SELP: variants seen among roughly 807,000 people sequenced by gnomAD.
SELP encodes P-selectin.
In SELP, 92 loss-of-function variants were observed where a neutral mutation model predicts 104.1. The ratio of observed to expected loss-of-function variants is 0.88; its 90% CI spans 0.75 to 1.05. The LOEUF (loss-of-function observed/expected upper bound fraction) is 1.05. Ranked by LOEUF, SELP falls within the 50% of genes least tolerant of loss-of-function variation. The pLI is 0.00. For missense variants in SELP, 1,022 were observed against 1,017.3 expected (o/e 1.00, Z -0.06); for synonymous variants, 397 against 364.5 (o/e 1.09, Z -1.01).
chr1:169,612,444 A>C (rs1221319579), intron 5 of SELP, 42 bp from the exon 6 acceptor site: 2 of 1,598,660 alleles, frequency 1.3e-6, no homozygotes, highest in African/African-American at 2.7e-5. Context: ...CCTTGGACAA[A>C]TTTTGTCCAT....
At position 169,613,005 on chromosome 1, in the gene SELP, C is replaced by T; in HGVS notation, c.699G>A (p.Gly233=). ...NSQCSFHCTD[G]YQVNGPSKLE... is the part of the protein sequence containing the mutation. The stretch of plus-strand genomic sequence containing the variant: ...GCTTGCTGGGCCCATTTACTTGGTA[C>T]CCGTCAGTGCAGTGGAAGCTGCACT... Residue 233 remains glycine, a synonymous_variant, in exon 5 of 17, where the codon GGG becomes GGA. Coordinates refer to ENST00000263686, the MANE Select transcript of SELP (RefSeq NM_003005.4). 1 of 1,613,862 alleles carries T rather than the reference C, an allele frequency of 6.2e-7. No individual in the cohort carries two copies. The highest frequency in any genetic ancestry group is 8.5e-7 in the Non-Finnish European group (1 of 1,179,832).
intron 2 of SELP, 148 bp from the exon 3 acceptor site, chr1:169,617,562 T>C: frequency 1.2e-6 from 1 of 817,616 alleles, no homozygotes; most frequent in Non-Finnish European, 1.9e-6. Flanking sequence ...ATGTAGTTGT[T>C]TGAAGGAAAA....
intron 10 of SELP, 108 bp from the exon 11 acceptor site, chr1:169,597,284 T>C (rs1166878405): frequency 1.0e-6 from 1 of 973,334 alleles, no homozygotes; most frequent in African/African-American, 1.7e-5. Context: ...TAAGCACCTA[T>C]ATTCCAGGTA....
At chr1:169,600,228 G>GAA (rs3917785) in intron 10 of SELP, among the ~76,000 whole-genome samples, 26 of 151,836 alleles carry the variant, frequency 1.7e-4, no homozygotes, top group Admixed American at 1.5e-3. Context: ...AAAACATTCA[G>GAA]AAAAAAAATA....
At chr1:169,597,640 C>T (rs1251810470) in intron 10 of SELP, among the ~76,000 whole-genome samples, 1 of 152,148 alleles carries the variant, frequency 6.6e-6, no homozygotes, top group Non-Finnish European at 1.5e-5. Flanking sequence ...TGCTTTCTGC[C>T]TCAAACTATT....
Position 169,612,397 on chromosome 1 carries a change from G to T in SELP, c.781C>A (p.Gln261Lys). Residue 261 changes from glutamine to lysine, a missense_variant, in exon 6 of 17, where the codon CAG (glutamine) becomes AAG (lysine). Transcript: ENST00000263686. ...TCAGGAATCTTCAGGGGTGGGCACTGGGCAGCTAAAACCAACCACAGAATA... is the reference window on the plus strand; with the variant it reads ...TCAGGAATCTTCAGGGGTGGGCACTTGGCAGCTAAAACCAACCACAGAATA... ...TNKPPQCLAA[Q>K]CPPLKIPERG... The T allele has an allele frequency of 6.2e-7, 1 of 1,614,032 alleles. No homozygotes were observed. Among genetic ancestry groups the T allele is most frequent in the Middle Eastern group, 1.6e-4 (1 of 6,062 alleles).
At chr1:169,610,551 C>A (rs1394578629) in intron 7 of SELP, among the ~76,000 whole-genome samples, 2 of 152,144 alleles carry the variant, frequency 1.3e-5, no homozygotes, top group Non-Finnish European at 2.9e-5. Context: ...AATCCCAGCA[C>A]TTTGAGAGGC....
intron 10 of SELP, among the ~76,000 whole-genome samples, chr1:169,598,442 C>T (rs1319502663): frequency 2.0e-5 from 3 of 152,132 alleles, no homozygotes; most frequent in Non-Finnish European, 2.9e-5. Flanking sequence ...ATGTATTTTT[C>T]AGTAACAAGC....
intron 10 of SELP, among the ~76,000 whole-genome samples, chr1:169,598,319 G>A (rs1003433119): frequency 6.6e-6 from 1 of 152,068 alleles, no homozygotes; most frequent in African/African-American, 2.4e-5. Flanking sequence ...ACAATACCTT[G>A]GTCAGATAAG....
intron 2 of SELP, among the ~76,000 whole-genome samples, chr1:169,618,012 G>T (rs554529844): frequency 8.6e-5 from 13 of 152,036 alleles, no homozygotes; most frequent in Admixed American, 3.3e-4. Context: ...TGGACTCTGT[G>T]TTCCTTCCTC....
At chr1:169,619,535 A>G (rs1662987765) in intron 1 of SELP, among the ~76,000 whole-genome samples, 1 of 152,260 alleles carries the variant, frequency 6.6e-6, no homozygotes. Flanking sequence ...TAAACACATT[A>G]ATATGGCTGT....
At chr1:169,610,137 G>C (rs1336176488) in intron 7 of SELP, among the ~76,000 whole-genome samples, 31 of 151,320 alleles carry the variant, frequency 2.0e-4, no homozygotes, top group Non-Finnish European at 2.7e-4. Context: ...CTGTGAAATT[G>C]AACCTGAAAA....
chr1:169,603,348 T>TGTGTGTGTGTGA (rs1311239001), intron 9 of SELP, 137 bp from the exon 10 acceptor site: 1 of 639,964 alleles, frequency 1.6e-6, no homozygotes, highest in African/African-American at 1.9e-5. Context: ...TGTGTGTGTG[T>TGTGTGTGTGTGA]GATTAATATA....
At chr1:169,604,658 C>G (rs181650248) in intron 9 of SELP, among the ~76,000 whole-genome samples, 4 of 152,288 alleles carry the variant, frequency 2.6e-5, no homozygotes, top group Admixed American at 2.6e-4. Flanking sequence ...GTCCAAAGAT[C>G]TGGTTCTTTT....
intron 12 of SELP, 126 bp from the exon 13 acceptor site, chr1:169,595,003 G>A: frequency 1.3e-6 from 1 of 750,154 alleles, no homozygotes; most frequent in Non-Finnish European, 2.1e-6. Flanking sequence ...AAGGATATGA[G>A]CCACTTCCAA....
chr1:169,606,810 A>C, intron 9 of SELP, 139 bp downstream of exon 9: 2 of 756,574 alleles, frequency 2.6e-6, no homozygotes, highest in East Asian at 2.7e-5. Flanking sequence ...GTTATAGGAC[A>C]AGAGGATGAG....
At chr1:169,622,746 G>C (rs970223019) in intron 1 of SELP, among the ~76,000 whole-genome samples, 3 of 152,064 alleles carry the variant, frequency 2.0e-5, no homozygotes, top group Non-Finnish European at 4.4e-5. Flanking sequence ...ATTTTGCAAA[G>C]AAGTATAATA....
intron 7 of SELP, among the ~76,000 whole-genome samples, chr1:169,611,221 C>A (rs1307126643): frequency 1.3e-5 from 2 of 152,164 alleles, no homozygotes; most frequent in African/African-American, 2.4e-5. Context: ...TGGTCCTATA[C>A]CTCGGATATG....
At chr1:169,592,415 A>C (rs759926009) in intron 14 of SELP, among the ~76,000 whole-genome samples, 1 of 152,180 alleles carries the variant, frequency 6.6e-6, no homozygotes, top group Non-Finnish European at 1.5e-5. Context: ...ATTCAATGAG[A>C]TCTCTTTCAG....
Sources: allele counts gnomAD v4.1 joint callset (sites outside exome capture counted in the v4.1 genomes callset), GRCh38; gene constraint gnomAD v4.1.1; transcripts MANE v1.5; gene names NCBI Gene and HGNC (gene_info 2026-07-23, HGNC 2026-07-21).